ANO10: variants seen among roughly 807,000 people sequenced by gnomAD.
ANO10 encodes the protein anoctamin-10.
Under a neutral mutation model 74.7 loss-of-function variants are expected in ANO10, and 77 were observed. The observed-to-expected ratio is 1.03, with a 90% CI of 0.86 to 1.25. ANO10 has a LOEUF of 1.25. Ranked by LOEUF, ANO10 falls within the 50% of genes most tolerant of loss-of-function variation. ANO10 has a pLI of 0.00. For synonymous variants in ANO10, 279 were observed against 284.9 expected (o/e 0.98, Z 0.21); for missense variants, 721 against 778.1 (o/e 0.93, Z 0.87).
intron 11 of ANO10, among the ~76,000 whole-genome samples, chr3:43,521,263 A>G (rs1342946741): frequency 6.6e-6 from 1 of 152,154 alleles, no homozygotes; most frequent in Non-Finnish European, 1.5e-5. Context: ...TCAGCCTTTT[A>G]CCATTAAGTA....
chr3:43,663,912 C>T (rs534069467), intron 1 of ANO10, among the ~76,000 whole-genome samples: 1 of 152,302 alleles, frequency 6.6e-6, no homozygotes, highest in South Asian at 2.1e-4. Flanking sequence ...ACATCCCATG[C>T]TCATGGATAG....
At chr3:43,568,097 A>G (rs1212298745) in intron 7 of ANO10, among the ~76,000 whole-genome samples, 1 of 152,236 alleles carries the variant, frequency 6.6e-6, no homozygotes, top group African/African-American at 2.4e-5. Flanking sequence ...AGGCCATTAC[A>G]TAATGGTAAA....
At chr3:43,602,871 T>C (rs1297063213) in intron 2 of ANO10, among the ~76,000 whole-genome samples, 1 of 152,196 alleles carries the variant, frequency 6.6e-6, no homozygotes, top group Non-Finnish European at 1.5e-5. Flanking sequence ...CCTTTGTTAT[T>C]TGTTTTCATG....
intron 11 of ANO10, among the ~76,000 whole-genome samples, chr3:43,444,883 G>A (rs2093218353): frequency 6.6e-6 from 1 of 152,056 alleles, no homozygotes; most frequent in African/African-American, 2.4e-5. Context: ...AGAGATGCTG[G>A]GAGGCCAAGG....
intron 12 of ANO10, among the ~76,000 whole-genome samples, chr3:43,373,334 T>C (rs775434800): frequency 2.6e-5 from 4 of 151,980 alleles, no homozygotes; most frequent in Non-Finnish European, 4.4e-5. Context: ...CGGTGCCAAA[T>C]TATCAGCTTG....
At chr3:43,420,607 GT>G (rs1378383007) in intron 12 of ANO10, among the ~76,000 whole-genome samples, 13 of 151,558 alleles carry the variant, frequency 8.6e-5, no homozygotes, top group East Asian at 3.9e-4. Flanking sequence ...TAAAAACAAA[GT>G]TTTTTTTTAA....
intron 12 of ANO10, among the ~76,000 whole-genome samples, chr3:43,422,114 T>C (rs2092828261): frequency 6.6e-6 from 1 of 152,140 alleles, no homozygotes; most frequent in African/African-American, 2.4e-5. Flanking sequence ...TTTTTTGTTG[T>C]TGTTGCTATT....
chr3:43,666,880 T>C (rs1232462473), intron 1 of ANO10, among the ~76,000 whole-genome samples: 1 of 152,034 alleles, frequency 6.6e-6, no homozygotes, highest in African/African-American at 2.4e-5. Context: ...CTTAAATATA[T>C]ACAGTTTTTA....
rs1318561721 is a variant in ANO10, at chr3:43,565,728, C to T, written c.1219-1G>A. On this transcript the variant is annotated splice_acceptor_variant, in intron 7 of 12. Transcript: ENST00000292246. LOFTEE classifies it high-confidence loss of function. ...AGGCAAAGCAATTGAGGAAGTTGAA[C>T]TGCCAAAAAAAAAAAAAAAAAAGAT... is the stretch of plus-strand genomic sequence containing the variant. 2 of 1,509,448 alleles carry T rather than the reference C, an allele frequency of 1.3e-6. No homozygotes were observed. Among genetic ancestry groups the T allele is most frequent in the Admixed American group, 2.2e-5 (1 of 45,610 alleles). 93.5% of individuals were successfully genotyped at this position (1,509,448 alleles called of 1,614,324 possible).
chr3:43,368,044 G>T (rs1214207392), intron 12 of ANO10, among the ~76,000 whole-genome samples: 1 of 152,074 alleles, frequency 6.6e-6, no homozygotes. Context: ...ACCCTCCTAA[G>T]GATCCTTTAG....
chr3:43,563,563 C>A (rs2080158936), intron 8 of ANO10, among the ~76,000 whole-genome samples: 3 of 151,982 alleles, frequency 2.0e-5, no homozygotes, highest in African/African-American at 7.3e-5. Flanking sequence ...ATGTTTACTG[C>A]AGCACTATTT....
intron 1 of ANO10, among the ~76,000 whole-genome samples, chr3:43,641,177 TGTTTAA>T (rs1559381122): frequency 6.6e-6 from 1 of 152,218 alleles, no homozygotes. Context: ...CATTGTCATA[TGTTTAA>T]AGAATTTGAC....
chr3:43,537,540 C>T (rs955324307), intron 11 of ANO10, among the ~76,000 whole-genome samples: 1 of 151,726 alleles, frequency 6.6e-6, no homozygotes, highest in Non-Finnish European at 1.5e-5. Flanking sequence ...CTGCAGCTCA[C>T]CTTCCACCTC....
At chr3:43,421,715 G>A (rs1382060458) in intron 12 of ANO10, among the ~76,000 whole-genome samples, 1 of 152,008 alleles carries the variant, frequency 6.6e-6, no homozygotes, top group Non-Finnish European at 1.5e-5. Flanking sequence ...GCTAACACTG[G>A]TAGTTCCAGC....
chr3:43,610,361 C>T (rs1324208959), intron 1 of ANO10, among the ~76,000 whole-genome samples: 1 of 151,924 alleles, frequency 6.6e-6, no homozygotes, highest in African/African-American at 2.4e-5. Context: ...ACTTTTTTTT[C>T]AATATAAGGA....
At chr3:43,386,924 C>T (rs1169948861) in intron 12 of ANO10, among the ~76,000 whole-genome samples, 1 of 152,050 alleles carries the variant, frequency 6.6e-6, no homozygotes, top group Non-Finnish European at 1.5e-5. Context: ...GGGCCAATCT[C>T]GAAATGGGAA....
chr3:43,448,486 G>A (rs1013965611), intron 11 of ANO10, among the ~76,000 whole-genome samples: 3 of 152,156 alleles, frequency 2.0e-5, no homozygotes, highest in Admixed American at 1.3e-4. Context: ...TTAGGAACAG[G>A]CATTTAAGGT....
chr3:43,444,889 C>T (rs962050305), intron 11 of ANO10, among the ~76,000 whole-genome samples: 3 of 152,026 alleles, frequency 2.0e-5, no homozygotes, highest in Admixed American at 6.6e-5. Flanking sequence ...GCTGGGAGGC[C>T]AAGGCGGGCG....
chr3:43,581,045 C>G (rs979349871), intron 4 of ANO10, among the ~76,000 whole-genome samples: 2 of 152,026 alleles, frequency 1.3e-5, no homozygotes, highest in Admixed American at 6.6e-5. Context: ...GTACAAATAC[C>G]TTTCCCTACC....
Sources: allele counts gnomAD v4.1 joint callset (sites outside exome capture counted in the v4.1 genomes callset), GRCh38; gene constraint gnomAD v4.1.1; transcripts MANE v1.5; gene names NCBI Gene and HGNC (gene_info 2026-07-23, HGNC 2026-07-21).